Variants in LTK observed in about 807,000 individuals in gnomAD.
The protein encoded by LTK is leukocyte receptor tyrosine kinase.
A neutral mutation model predicts 101.5 loss-of-function variants in LTK; 117 were observed. The observed-to-expected ratio is 1.15, with a 90% CI of 0.99 to 1.34. The LOEUF (loss-of-function observed/expected upper bound fraction) is 1.34. Ranked by LOEUF, LTK falls within the 40% of genes most tolerant of loss-of-function variation. The pLI, the probability that LTK is intolerant of heterozygous loss-of-function variation, is 0.00. For missense variants in LTK, 1,252 were observed against 1,164.7 expected (o/e 1.07, Z -1.09); for synonymous variants, 563 against 494.2 (o/e 1.14, Z -1.85).
chr15:41,503,967 C>T lies in LTK; in HGVS notation c.*29G>A. The T allele has an allele frequency of 6.4e-7, 1 of 1,558,924 alleles. No homozygotes were observed. On this transcript the variant is annotated 3_prime_UTR_variant, in exon 20 of 20. Coordinates refer to ENST00000263800, the MANE Select transcript of LTK (RefSeq NM_002344.6). ...GTATAGGGAGGGACCCTCAGTGCCT[C>T]AGTCCTTACCCTCAGGGCCCCTTGG...
chr15:41,505,018 G>A lies in LTK; in HGVS notation c.1972C>T (p.Arg658Ter), dbSNP rs768259239. 13 of 1,613,408 alleles carry A rather than the reference G, an allele frequency of 8.1e-6. No homozygotes were observed. Among genetic ancestry groups the A allele is most frequent in the Admixed American group, 3.3e-5 (2 of 59,922 alleles). Reference protein sequence around the residue: ...NCLLSCAGPSRVAKIGDFGMA... With the variant: ...NCLLSCAGPS ...CCAAAGTCCCCAATCTTGGCCACTCGGCTGGGTCCAGCGCAGCTCAGCAGG... is the reference window on the plus strand; with the variant it reads ...CCAAAGTCCCCAATCTTGGCCACTCAGCTGGGTCCAGCGCAGCTCAGCAGG... Residue 658 changes from arginine to a stop codon, truncating the protein, a stop_gained, in exon 16 of 20, where the codon CGA becomes TGA. Coordinates refer to ENST00000263800, the MANE Select transcript of LTK (RefSeq NM_002344.6). LOFTEE classifies it high-confidence loss of function.
Position 41,504,148 on chromosome 15 carries a change from G to C in LTK, c.2443C>G (p.Leu815Val), listed in dbSNP as rs1301796349. 6.2e-7 allele frequency: 1 copy of C among 1,614,046 alleles called. No homozygotes were observed. Among genetic ancestry groups the C allele is most frequent in the Non-Finnish European group, 8.5e-7 (1 of 1,180,000 alleles). ...SGLGNRSLEC[L>V]RPPQPQELSP... Reference sequence around the variant, plus strand: ...AGTTCCTGGGGCTGTGGGGGTCTTAGGCACTCCAAAGATCTGTTCCCCAGC... The same window carrying C: ...AGTTCCTGGGGCTGTGGGGGTCTTACGCACTCCAAAGATCTGTTCCCCAGC... The change falls in exon 20 of 20, where the codon CTA (leucine) becomes GTA (valine). Residue 815 changes from leucine (L) to valine (V), a missense_variant. Transcript: ENST00000263800.
intron 10 of LTK, 116 bp from the exon 11 acceptor site, chr15:41,507,406 C>T: frequency 6.6e-7 from 1 of 1,510,710 alleles, no homozygotes; most frequent in East Asian, 2.5e-5. Context: ...CCCAGGCCTC[C>T]CCAGCTCCTT....
chr15:41,505,639 C>G (rs2051251981), intron 13 of LTK, 74 bp downstream of exon 13: 1 of 1,605,030 alleles, frequency 6.2e-7, no homozygotes, highest in Non-Finnish European at 8.5e-7. Flanking sequence ...GCTACCTCAG[C>G]CTCAGGGTGA....
Position 41,505,693 on chromosome 15 carries a change from GC to G in LTK, c.1697+19del, listed in dbSNP as rs746289113. On this transcript the variant is annotated intron_variant, in intron 13 of 19. Transcript: ENST00000263800. ...CATTCCCCTCCCGCCTTCCAGCCCT[GC>G]CCCTGGTCCCAGGTGCACCTGATGA... The G allele has an allele frequency of 3.8e-5, 62 of 1,613,302 alleles. No homozygotes were observed. The highest frequency in any genetic ancestry group is 5.0e-5 in the Non-Finnish European group (59 of 1,179,784).
At position 41,511,754 on chromosome 15, in the gene LTK, T is replaced by C; in HGVS notation, c.657+63A>G. On this transcript the variant is annotated intron_variant, in intron 5 of 19. Transcript: ENST00000263800. The surrounding 1 kb of genome is among the most constrained non-coding windows in gnomAD (Gnocchi z 5.9). ...CCCCAAGGGACGGACGGAGAGCCGG[T>C]GCGTGAGCGCCCCTGGGGAGAGGAT... 2 of 1,451,318 alleles carry C rather than the reference T, an allele frequency of 1.4e-6. No individual in the cohort carries two copies. Among genetic ancestry groups the C allele is most frequent in the South Asian group, 1.4e-5 (1 of 72,196 alleles). The allele number at this position is 1,451,318 out of a possible 1,614,324, so 89.9% of individuals were successfully genotyped here.
rs765463296 is a variant in LTK at position 41,504,559 on chromosome 15, G to C, written c.2202C>G (p.Asp734Glu). The C allele has an allele frequency of 8.7e-6, 14 of 1,613,802 alleles. No homozygotes were observed. Among genetic ancestry groups the C allele is most frequent in the Admixed American group, 5.0e-5 (3 of 60,000 alleles). The change falls in exon 18 of 20, where the codon GAC (aspartate) becomes GAG (glutamate). Residue 734 changes from aspartate to glutamate, a missense_variant. Asp to Glu is a conservative substitution (Grantham distance 45). Transcript: ENST00000263800. Reference protein sequence around the residue: ...YPGRTNQEVLDFVVGGGRMDP... With the variant: ...YPGRTNQEVLEFVVGGGRMDP... Reference sequence around the variant, plus strand: ...CCATCCGGCCTCCTCCAACGACGAAGTCCAGCACCTCCTGGTTGGTGCGCC... The same window carrying C: ...CCATCCGGCCTCCTCCAACGACGAACTCCAGCACCTCCTGGTTGGTGCGCC...
chr15:41,510,194 A>G (rs1260979726), intron 7 of LTK, among the ~76,000 whole-genome samples: 4 of 151,514 alleles, frequency 2.6e-5, no homozygotes, highest in Non-Finnish European at 4.4e-5. Context: ...TTTAGTACAG[A>G]TGGGGGTTTC....
chr15:41,512,205 A>C lies in LTK; in HGVS notation c.420T>G (p.His140Gln), dbSNP rs1238380968. ...AGAAGATTGCTGAGACGAAGACGCC[A>C]TGCGCCCGCGACAGGTGGTTCTTGG... Reference protein sequence around the residue: ...KGAKNHLSRAHGVFVSAIFSL... With the variant: ...KGAKNHLSRAQGVFVSAIFSL... The change falls in exon 4 of 20, where the codon CAT becomes CAG. Residue 140 changes from histidine (H) to glutamine (Q), a missense_variant. Physicochemically the swap from His to Gln is conservative, Grantham distance 24. Coordinates refer to ENST00000263800, the MANE Select transcript of LTK (RefSeq NM_002344.6). 1 of 1,612,838 alleles carries C rather than the reference A, an allele frequency of 6.2e-7. No homozygotes were observed. The highest frequency in any genetic ancestry group is 8.5e-7 in the Non-Finnish European group (1 of 1,179,812).
At chr15:41,510,129 C>T (rs985766850) in intron 7 of LTK, among the ~76,000 whole-genome samples, 4 of 151,640 alleles carry the variant, frequency 2.6e-5, no homozygotes, top group Non-Finnish European at 5.9e-5. Context: ...GTCTCAGCTT[C>T]CCGAGTAGCT....
In LTK at chr15:41,511,681, C is replaced by T; in HGVS notation, c.658-103G>A. On this transcript the variant is annotated intron_variant, in intron 5 of 19. Coordinates refer to ENST00000263800, the MANE Select transcript of LTK (RefSeq NM_002344.6). This position sits in a 1 kb window ranked among gnomAD's most constrained non-coding sequence, Gnocchi z 5.9. Reference sequence around the variant, plus strand: ...CAGGGGGCCTGGATAAGGGCAGGGGCCCCCAGCCCAGCCCAGGCCAGCCCA... The same window carrying T: ...CAGGGGGCCTGGATAAGGGCAGGGGTCCCCAGCCCAGCCCAGGCCAGCCCA... 1.4e-6 allele frequency: 2 copies of T among 1,401,846 alleles called. No homozygotes were observed. The highest frequency in any genetic ancestry group is 1.5e-5 in the South Asian group (1 of 67,056). The allele number at this position is 1,401,846 out of a possible 1,614,324, so 86.8% of individuals were successfully genotyped here.
In LTK at chr15:41,504,149, G is replaced by A; in HGVS notation, c.2442C>T (p.Cys814=). Residue 814 remains cysteine, a synonymous_variant, in exon 20 of 20, where the codon TGC becomes TGT. Transcript: ENST00000263800. ...TSGLGNRSLE[C]LRPPQPQELS... is the part of the protein sequence containing the mutation. ...GTTCCTGGGGCTGTGGGGGTCTTAGGCACTCCAAAGATCTGTTCCCCAGCC... is the reference window on the plus strand; with the variant it reads ...GTTCCTGGGGCTGTGGGGGTCTTAGACACTCCAAAGATCTGTTCCCCAGCC... 2 of 1,614,042 alleles carry A rather than the reference G, an allele frequency of 1.2e-6. No homozygotes were observed. Among genetic ancestry groups the A allele is most frequent in the Non-Finnish European group, 1.7e-6 (2 of 1,180,000 alleles).
In LTK at chr15:41,511,660, G is replaced by A; in HGVS notation, c.658-82C>T. ...CACTGGGAGAGGGCTCCCGCCCAGG[G>A]GGCCTGGATAAGGGCAGGGGCCCCC... On this transcript the variant is annotated intron_variant, in intron 5 of 19. Coordinates refer to ENST00000263800, the MANE Select transcript of LTK (RefSeq NM_002344.6). This position sits in a 1 kb window ranked among gnomAD's most constrained non-coding sequence, Gnocchi z 5.9. The A allele has an allele frequency of 2.1e-6, 3 of 1,398,588 alleles. No homozygotes were observed. The highest frequency in any genetic ancestry group is 1.6e-5 in the South Asian group (1 of 64,076). 86.6% of individuals were successfully genotyped at this position (1,398,588 alleles called of 1,614,324 possible). A position where few individuals can be genotyped will look rare whatever the true frequency, so the allele number is the denominator to read the frequency against.
chr15:41,507,431 C>G, intron 10 of LTK, 131 bp downstream of exon 10: 2 of 1,537,728 alleles, frequency 1.3e-6, no homozygotes, highest in Non-Finnish European at 1.8e-6. Context: ...TCTTAGAATC[C>G]CAGAGGAGTC....
At chr15:41,508,011 C>T in intron 9 of LTK, 58 bp downstream of exon 9, 2 of 1,517,746 alleles carry the variant, frequency 1.3e-6, no homozygotes, top group South Asian at 2.5e-5. Context: ...CAGTGGCCTA[C>T]TGCTCCTCCC....
rs1314759188 is a variant in LTK, at chr15:41,505,998, C to T, written c.1549G>A (p.Gly517Ser). ...TACACCTCCCCAAAGGCACCATGGC[C>T]CAGGGCTCTGCAGGAAGACACGTTG... ...PANVTLLRAL[G>S]HGAFGEVYEG... is the part of the protein sequence containing the mutation. The change falls in exon 12 of 20, where the codon GGC becomes AGC. Residue 517 changes from glycine to serine, a missense_variant. Coordinates refer to ENST00000263800, the MANE Select transcript of LTK (RefSeq NM_002344.6). 3.7e-6 allele frequency: 6 copies of T among 1,613,452 alleles called. No homozygotes were observed. Among genetic ancestry groups the T allele is most frequent in the Non-Finnish European group, 2.5e-6 (3 of 1,179,470 alleles).
At chr15:41,505,823 A>G (rs774634685) in intron 12 of LTK, 46 bp from the exon 13 acceptor site, 14 of 1,607,490 alleles carry the variant, frequency 8.7e-6, no homozygotes, top group Non-Finnish European at 1.1e-5. Flanking sequence ...TGCACGCTTC[A>G]GGAGAGGGGG....
At chr15:41,510,422 C>G (rs2051417547) in intron 7 of LTK, among the ~76,000 whole-genome samples, 1 of 152,108 alleles carries the variant, frequency 6.6e-6, no homozygotes, top group African/African-American at 2.4e-5. Flanking sequence ...TGACCAGCAT[C>G]TCCCCAACCT....
Position 41,512,702 on chromosome 15 carries a change from C to G in LTK, c.359+5G>C, listed in dbSNP as rs774637858. 3 of 1,571,800 alleles carry G rather than the reference C, an allele frequency of 1.9e-6. No homozygotes were observed. Among genetic ancestry groups the G allele is most frequent in the South Asian group, 1.1e-5 (1 of 87,536 alleles). On this transcript the variant is annotated splice_donor_5th_base_variant and intron_variant, in intron 3 of 19. Transcript: ENST00000263800. ...CTGTCCACCCTACCTCCGCCGTGCA[C>G]TTACAGATACTGGCCAGGGCCCGGC...
Sources: allele counts gnomAD v4.1 joint callset (sites outside exome capture counted in the v4.1 genomes callset), GRCh38; gene constraint gnomAD v4.1.1; non-coding constraint Gnocchi (gnomAD v3.1); transcripts MANE v1.5; gene names NCBI Gene and HGNC (gene_info 2026-07-23, HGNC 2026-07-21).